Variants in MEGF9 observed in about 807,000 individuals in gnomAD.
MEGF9 encodes multiple epidermal growth factor-like domains protein 9.
In MEGF9, 6 loss-of-function variants were observed where a neutral mutation model predicts 46.8. That is an observed-to-expected ratio of 0.13 (90% CI 0.07 to 0.25). The LOEUF (loss-of-function observed/expected upper bound fraction) is 0.25. Among genes scored for constraint, MEGF9 ranks in the 10% least tolerant of loss-of-function variants. The pLI, the probability that MEGF9 is intolerant of heterozygous loss-of-function variation, is 1.00. For synonymous variants in MEGF9, 302 were observed against 330.7 expected (o/e 0.91, Z 0.94); for missense variants, 683 against 792.4 (o/e 0.86, Z 1.66).
At chr9:120,643,531 ACCAAC>A (rs202097815) in intron 2 of MEGF9, among the ~76,000 whole-genome samples, 3,589 of 152,272 alleles carry the variant, frequency 0.024, 148 homozygotes, top group African/African-American at 0.083. Context: ...TACCATAAGG[ACCAAC>A]TTTGCCCTCA....
intron 1 of MEGF9, among the ~76,000 whole-genome samples, chr9:120,687,442 T>C (rs1327600633): frequency 6.6e-6 from 1 of 152,172 alleles, no homozygotes; most frequent in East Asian, 1.9e-4. Flanking sequence ...ATGTGCAATG[T>C]TGTTCATTGC....
chr9:120,606,909 C>G (rs578230514), intron 5 of MEGF9, among the ~76,000 whole-genome samples: 1 of 152,264 alleles, frequency 6.6e-6, no homozygotes, highest in African/African-American at 2.4e-5. Context: ...ATCATCAGTT[C>G]TGTCAGCTAA....
intron 1 of MEGF9, among the ~76,000 whole-genome samples, chr9:120,705,381 G>A (rs2043924626): frequency 6.6e-6 from 1 of 151,822 alleles, no homozygotes; most frequent in African/African-American, 2.4e-5. Flanking sequence ...AGGAAGCACT[G>A]AAGGAGGACA....
chr9:120,661,562 ATTTG>A (rs939830421), intron 1 of MEGF9, among the ~76,000 whole-genome samples: 6 of 152,192 alleles, frequency 3.9e-5, no homozygotes, highest in African/African-American at 9.6e-5. Context: ...TTGGCAGCTT[ATTTG>A]TTTATTTTAT....
chr9:120,640,707 ATTC>A (rs1489316963), intron 2 of MEGF9, among the ~76,000 whole-genome samples: 1 of 152,022 alleles, frequency 6.6e-6, no homozygotes, highest in African/African-American at 2.4e-5. Context: ...AAATTTTATT[ATTC>A]TTCTTTAGAC....
intron 1 of MEGF9, among the ~76,000 whole-genome samples, chr9:120,678,378 T>C (rs2043782973): frequency 6.6e-6 from 1 of 152,212 alleles, no homozygotes; most frequent in Admixed American, 6.5e-5. Flanking sequence ...TTCTCCATAG[T>C]GGTTGTACTA....
chr9:120,606,049 G>A (rs4837785), intron 5 of MEGF9, among the ~76,000 whole-genome samples: 88,963 of 151,642 alleles, frequency 0.59, 28,440 homozygotes, highest in South Asian at 0.75. Flanking sequence ...GCGGGTGCCT[G>A]TAATCCCAGC....
At chr9:120,670,760 C>A (rs1454517505) in intron 1 of MEGF9, among the ~76,000 whole-genome samples, 1 of 152,114 alleles carries the variant, frequency 6.6e-6, no homozygotes. Flanking sequence ...CGCTCTTTAT[C>A]ACATCCTCTC....
chr9:120,661,728 A>G (rs752312421), intron 1 of MEGF9, among the ~76,000 whole-genome samples: 25 of 152,200 alleles, frequency 1.6e-4, no homozygotes, highest in Non-Finnish European at 3.5e-4. Flanking sequence ...ACAGAGTTAC[A>G]TGTTTTCACA....
At chr9:120,697,574 T>C (rs551522735) in intron 1 of MEGF9, among the ~76,000 whole-genome samples, 2 of 152,318 alleles carry the variant, frequency 1.3e-5, no homozygotes, top group South Asian at 4.1e-4. Context: ...CTAATAAGCA[T>C]GACATTGTCT....
chr9:120,677,525 C>CA, intron 1 of MEGF9, among the ~76,000 whole-genome samples: 1 of 152,232 alleles, frequency 6.6e-6, no homozygotes, highest in Non-Finnish European at 1.5e-5. Context: ...GCTCAAGCTA[C>CA]AAAATAAATT....
chr9:120,646,635 A>G (rs2043627546), intron 2 of MEGF9, among the ~76,000 whole-genome samples: 1 of 152,046 alleles, frequency 6.6e-6, no homozygotes, highest in Admixed American at 6.6e-5. Context: ...TTAACATTTT[A>G]TCTTTATACT....
intron 1 of MEGF9, among the ~76,000 whole-genome samples, chr9:120,697,608 T>G (rs960078921): frequency 6.6e-6 from 1 of 152,220 alleles, no homozygotes; most frequent in African/African-American, 2.4e-5. Context: ...ATCCTCTTTG[T>G]GCTGAATAGA....
chr9:120,683,117 C>T lies in MEGF9; in HGVS notation c.602-23542G>A, dbSNP rs1464121784. 2.0e-5 allele frequency among the ~76,000 whole-genome samples: 3 copies of T among 152,066 alleles called. No homozygotes were observed. In the East Asian group the frequency reaches 5.8e-4, roughly 29 times the overall value. On this transcript the variant is annotated intron_variant, in intron 1 of 5. Transcript: ENST00000373930. Reference sequence around the variant, plus strand: ...GCAGTCTAAAGAGTCTGCATTTCATCCAACATGGAATGATTCCCCAAAGAA... The same window carrying T: ...GCAGTCTAAAGAGTCTGCATTTCATTCAACATGGAATGATTCCCCAAAGAA...
chr9:120,695,385 C>T (rs1319889469), intron 1 of MEGF9, among the ~76,000 whole-genome samples: 1 of 151,986 alleles, frequency 6.6e-6, no homozygotes, highest in African/African-American at 2.4e-5. Context: ...GCAGGCAAAT[C>T]ACAAGGTCAG....
chr9:120,644,635 G>T (rs114060968), intron 2 of MEGF9, among the ~76,000 whole-genome samples: 1 of 152,182 alleles, frequency 6.6e-6, no homozygotes, highest in African/African-American at 2.4e-5. Context: ...GGCAAATTAA[G>T]CCTCAGTTTC....
chr9:120,674,110 C>A (rs2043762578), intron 1 of MEGF9, among the ~76,000 whole-genome samples: 1 of 150,792 alleles, frequency 6.6e-6, no homozygotes. Context: ...AATAAAACAC[C>A]AAAAGTAAAA....
chr9:120,712,249 C>A (rs2043957301), intron 1 of MEGF9, among the ~76,000 whole-genome samples: 1 of 152,088 alleles, frequency 6.6e-6, no homozygotes, highest in Admixed American at 6.6e-5. Flanking sequence ...CAGAGCCAGA[C>A]CCTGTCTCAA....
chr9:120,607,595 A>T (rs1158870337), intron 5 of MEGF9, 146 bp downstream of exon 5: 1 of 813,152 alleles, frequency 1.2e-6, no homozygotes, highest in African/African-American at 1.7e-5. Context: ...GAGCAGCAGG[A>T]ATGGAAGGAA....
Sources: gnomAD v4.1 joint callset for allele counts (sites outside exome capture counted in the v4.1 genomes callset) on GRCh38, gnomAD v4.1.1 for gene constraint, MANE v1.5 for transcripts, NCBI Gene and HGNC (gene_info 2026-07-23, HGNC 2026-07-21) for gene names.